Variants in PLXDC2 observed in about 807,000 individuals in gnomAD.
PLXDC2 encodes plexin domain-containing protein 2.
PLXDC2 carries 40 observed loss-of-function variants against 68.9 expected under a neutral mutation model. The observed-to-expected ratio is 0.58, with a 90% CI of 0.45 to 0.76. The LOEUF (loss-of-function observed/expected upper bound fraction) is 0.76. PLXDC2 is among the 30% of genes least tolerant of loss of function. The pLI, the probability that PLXDC2 is intolerant of heterozygous loss-of-function variation, is 0.00. For missense variants in PLXDC2, 644 were observed against 661.9 expected, an observed-to-expected ratio of 0.97 and a Z score of 0.30; for synonymous variants, 243 against 234.2, an observed-to-expected ratio of 1.04 and a Z score of -0.34.
chr10:19,834,317 GAA>G (rs1252896926), intron 1 of PLXDC2, among the ~76,000 whole-genome samples: 1 of 148,940 alleles, frequency 6.7e-6, no homozygotes, highest in Non-Finnish European at 1.5e-5. Flanking sequence ...AAATCACAGA[GAA>G]AGAGAGAGGT....
chr10:20,076,147 C>A (rs966050241), intron 4 of PLXDC2, among the ~76,000 whole-genome samples: 2 of 152,178 alleles, frequency 1.3e-5, no homozygotes, highest in African/African-American at 4.8e-5. Context: ...GCCAGATGCT[C>A]TAACATTGTC....
intron 6 of PLXDC2, among the ~76,000 whole-genome samples, chr10:20,159,903 C>G (rs929454083): frequency 6.6e-6 from 1 of 152,178 alleles, no homozygotes; most frequent in African/African-American, 2.4e-5. Context: ...TTCTGCGACT[C>G]TCTTCTCTCC....
intron 1 of PLXDC2, among the ~76,000 whole-genome samples, chr10:19,936,977 A>T (rs1399301373): frequency 6.6e-6 from 1 of 152,228 alleles, no homozygotes; most frequent in Non-Finnish European, 1.5e-5. Context: ...AGCTCATCTC[A>T]GCACTTTTTA....
intron 4 of PLXDC2, among the ~76,000 whole-genome samples, chr10:20,099,264 C>G (rs1833391349): frequency 6.6e-6 from 1 of 152,072 alleles, no homozygotes; most frequent in African/African-American, 2.4e-5. Flanking sequence ...GAAATTATCA[C>G]TGTTAACATT....
intron 3 of PLXDC2, among the ~76,000 whole-genome samples, chr10:20,061,794 T>C (rs1183827813): frequency 6.6e-6 from 1 of 152,214 alleles, no homozygotes; most frequent in Non-Finnish European, 1.5e-5. Context: ...CATCGTAACA[T>C]TGCCTAGAAA....
intron 1 of PLXDC2, among the ~76,000 whole-genome samples, chr10:19,851,450 T>C (rs1235163819): frequency 6.6e-6 from 1 of 152,202 alleles, no homozygotes; most frequent in Non-Finnish European, 1.5e-5. Context: ...TCAGTAACCA[T>C]TTATGACTCT....
intron 1 of PLXDC2, among the ~76,000 whole-genome samples, chr10:19,996,663 A>G (rs1834849057): frequency 6.6e-6 from 1 of 152,162 alleles, no homozygotes; most frequent in Non-Finnish European, 1.5e-5. Context: ...AGGCACCTGT[A>G]TTAGTCCATT....
intron 1 of PLXDC2, among the ~76,000 whole-genome samples, chr10:19,960,106 T>C (rs962597836): frequency 1.3e-5 from 2 of 149,516 alleles, no homozygotes; most frequent in Non-Finnish European, 3.0e-5. Context: ...GCCTGACATC[T>C]CAGTGCTTTG....
chr10:20,234,974 A>G (rs549009937), intron 12 of PLXDC2, among the ~76,000 whole-genome samples: 1 of 152,332 alleles, frequency 6.6e-6, no homozygotes, highest in African/African-American at 2.4e-5. Flanking sequence ...TTGATTTCGT[A>G]TTCTGCAGTT....
In PLXDC2 at chr10:20,279,933, G is replaced by T; in HGVS notation, c.*114G>T. 1.3e-6 allele frequency: 1 copy of T among 767,642 alleles called. No individual in the cohort carries two copies. The highest frequency in any genetic ancestry group is 1.7e-5 in the South Asian group (1 of 57,592). The allele number at this position is 767,642 out of a possible 1,614,324, so 47.6% of individuals were successfully genotyped here. On this transcript the variant is annotated 3_prime_UTR_variant, in exon 14 of 14. Transcript: ENST00000377252. ...ACACACAAACAAGCTCTAAGCTGCTGTAGCCTGAAGAAGACAAGATTTCTG... is the reference window on the plus strand; with the variant it reads ...ACACACAAACAAGCTCTAAGCTGCTTTAGCCTGAAGAAGACAAGATTTCTG...
rs574292358 is a variant in PLXDC2 at position 20,268,606 on chromosome 10, A to G, written c.1474-11097A>G. Among the ~76,000 whole-genome samples the G allele has an allele frequency of 8.5e-5, 13 of 152,254 alleles. No individual in the cohort carries two copies. The South Asian group carries it at 2.1e-3, about 24-fold the overall frequency. ...ATTACTTTAGGATAGAAAATAACTC[A>G]CCATTAACCATTCCTAGGGTCACTG... On this transcript the variant is annotated intron_variant, in intron 13 of 13. Transcript: ENST00000377252.
intron 4 of PLXDC2, among the ~76,000 whole-genome samples, chr10:20,101,688 A>G (rs1207383210): frequency 1.4e-4 from 22 of 152,144 alleles, no homozygotes; most frequent in Admixed American, 1.4e-3. Flanking sequence ...ACTGACCTGC[A>G]TTCTTGACCT....
chr10:19,928,348 G>A (rs1564631076), intron 1 of PLXDC2, among the ~76,000 whole-genome samples: 2 of 152,148 alleles, frequency 1.3e-5, no homozygotes, highest in Non-Finnish European at 2.9e-5. Context: ...TAGGTCTGGG[G>A]GAGAAAGTTG....
rs11011749 is a variant in PLXDC2 at position 20,029,659 on chromosome 10, G to A, written c.325-17210G>A. 7.1e-3 allele frequency among the ~76,000 whole-genome samples: 1,074 copies of A among 152,236 alleles called. 21 individuals carry two copies. Among genetic ancestry groups the A allele is most frequent in the African/African-American group, 0.025 (1,043 of 41,556 alleles). ...AAATAAAATCTCTTTTAGCTATCTT[G>A]TAATTTTTTTTACAAAGTATAAATG... On this transcript the variant is annotated intron_variant, in intron 2 of 13. Transcript: ENST00000377252.
intron 1 of PLXDC2, among the ~76,000 whole-genome samples, chr10:19,981,684 T>A (rs1834552621): frequency 6.6e-6 from 1 of 152,218 alleles, no homozygotes; most frequent in Non-Finnish European, 1.5e-5. Context: ...TATTTTTTAG[T>A]GGTGGCTAAT....
chr10:19,954,783 A>C (rs1396394100), intron 1 of PLXDC2, among the ~76,000 whole-genome samples: 1 of 152,202 alleles, frequency 6.6e-6, no homozygotes, highest in Non-Finnish European at 1.5e-5. Context: ...AGTTGGAAAA[A>C]CATATTTCTG....
At chr10:20,274,113 G>T (rs1835974488) in intron 13 of PLXDC2, among the ~76,000 whole-genome samples, 1 of 151,780 alleles carries the variant, frequency 6.6e-6, no homozygotes, top group African/African-American at 2.4e-5. Flanking sequence ...AGGAAAGAAA[G>T]AAGGAAGGAA....
chr10:19,975,933 G>C (rs1224723207), intron 1 of PLXDC2, among the ~76,000 whole-genome samples: 1 of 152,080 alleles, frequency 6.6e-6, no homozygotes, highest in Non-Finnish European at 1.5e-5. Context: ...GAACCTGGGA[G>C]GGGGAGATTG....
intron 1 of PLXDC2, among the ~76,000 whole-genome samples, chr10:19,845,424 T>G (rs535626035): frequency 6.6e-6 from 1 of 152,110 alleles, no homozygotes; most frequent in South Asian, 2.1e-4. Context: ...CTTTGAAAAC[T>G]CTTCTTCTGA....
Sources: gnomAD v4.1 joint callset for allele counts (sites outside exome capture counted in the v4.1 genomes callset) on GRCh38, gnomAD v4.1.1 for gene constraint, MANE v1.5 for transcripts, NCBI Gene and HGNC (gene_info 2026-07-23, HGNC 2026-07-21) for gene names.